ZNF385D: variants seen among roughly 807,000 people sequenced by gnomAD.
ZNF385D encodes the protein zinc finger protein 385D.
In ZNF385D, 15 loss-of-function variants were observed where a neutral mutation model predicts 35.8. The observed-to-expected ratio is 0.42, with a 90% CI of 0.28 to 0.64. The LOEUF (loss-of-function observed/expected upper bound fraction) is 0.64, where lower values mean the gene tolerates loss of function less well. Among genes scored for constraint, ZNF385D ranks in the 30% least tolerant of loss-of-function variants. ZNF385D has a pLI of 0.23. For missense variants in ZNF385D, 474 were observed against 494.6 expected (o/e 0.96, Z 0.39); for synonymous variants, 212 against 186.8 (o/e 1.13, Z -1.10).
chr3:22,285,740 A>C (rs946716171), intron 2 of ZNF385D, among the ~76,000 whole-genome samples: 2 of 152,084 alleles, frequency 1.3e-5, no homozygotes, highest in Non-Finnish European at 2.9e-5. Flanking sequence ...AGTAGGAAGA[A>C]ATTTTCTAAT....
At chr3:21,867,650 G>A (rs1559706017) in intron 3 of ZNF385D, among the ~76,000 whole-genome samples, 1 of 151,914 alleles carries the variant, frequency 6.6e-6, no homozygotes. Context: ...ACATTTTGAT[G>A]ACTACTTTTA....
intron 3 of ZNF385D, among the ~76,000 whole-genome samples, chr3:22,147,636 A>C (rs924077798): frequency 2.0e-5 from 3 of 152,186 alleles, no homozygotes; most frequent in African/African-American, 7.2e-5. Context: ...TATTAATACA[A>C]CACCACTCGG....
intron 2 of ZNF385D, among the ~76,000 whole-genome samples, chr3:22,199,859 A>G (rs1696665869): frequency 6.6e-6 from 1 of 152,164 alleles, no homozygotes; most frequent in East Asian, 1.9e-4. Flanking sequence ...TAAACAGGAT[A>G]AAATGTGAAA....
At chr3:21,627,874 G>A (rs1161386252) in intron 2 of ZNF385D, among the ~76,000 whole-genome samples, 1 of 151,996 alleles carries the variant, frequency 6.6e-6, no homozygotes, top group East Asian at 1.9e-4. Flanking sequence ...AACAATAAGG[G>A]TAGATTTTGA....
chr3:21,507,950 A>G (rs1216518269), intron 4 of ZNF385D, among the ~76,000 whole-genome samples: 1 of 152,214 alleles, frequency 6.6e-6, no homozygotes, highest in Non-Finnish European at 1.5e-5. Flanking sequence ...TTGGCTCAAA[A>G]TATCTGATGA....
intron 3 of ZNF385D, among the ~76,000 whole-genome samples, chr3:22,085,846 A>C (rs147627291): frequency 0.11 from 16,830 of 152,224 alleles, 1,149 homozygotes; most frequent in Admixed American, 0.19. Context: ...CATCAAAAAG[A>C]TTATCCACCA....
intron 2 of ZNF385D, among the ~76,000 whole-genome samples, chr3:21,581,465 A>C (rs1457209936): frequency 6.6e-6 from 1 of 152,052 alleles, no homozygotes; most frequent in Non-Finnish European, 1.5e-5. Context: ...CCCCAACCTA[A>C]ATTGCAAAAG....
intron 2 of ZNF385D, among the ~76,000 whole-genome samples, chr3:22,198,837 C>A (rs1696594135): frequency 6.6e-6 from 1 of 152,062 alleles, no homozygotes; most frequent in African/African-American, 2.4e-5. Context: ...TTCACCACTT[C>A]TTTTAAAGAG....
rs551476626 is a variant in ZNF385D at position 21,877,499 on chromosome 3, T to C, written c.326-212471A>G. 7.2e-5 allele frequency among the ~76,000 whole-genome samples: 11 copies of C among 152,224 alleles called. No individual in the cohort carries two copies. The South Asian group carries it at 2.3e-3, about 32-fold the overall frequency. On this transcript the variant is annotated intron_variant, in intron 3 of 5. Transcript: ENST00000494108. ...TGGTAGTTATTTAAAGTTAATTAAT[T>C]TAACCTGACCTTTCCATATAAATAT...
intron 4 of ZNF385D, among the ~76,000 whole-genome samples, chr3:21,497,237 T>C (rs1264866829): frequency 6.6e-6 from 1 of 152,098 alleles, no homozygotes; most frequent in African/African-American, 2.4e-5. Flanking sequence ...AAATCAGTAG[T>C]ATTCCTACAC....
chr3:22,245,835 A>T lies in ZNF385D; in HGVS notation c.107-76800T>A, dbSNP rs141375925. ...TGATAAACTTCCTGGGACAGATTGG[A>T]AAGAATTGTGATTGGATTTGACATG... On this transcript the variant is annotated intron_variant, in intron 2 of 5. Transcript: ENST00000494108. Among the ~76,000 whole-genome samples, 71 of 152,186 alleles carry T rather than the reference A, an allele frequency of 4.7e-4. 1 individual carries two copies. The East Asian group carries it at 0.011, about 23-fold the overall frequency.
intron 3 of ZNF385D, among the ~76,000 whole-genome samples, chr3:21,802,548 T>C (rs367589993): frequency 1.2e-4 from 17 of 140,960 alleles, no homozygotes; most frequent in Admixed American, 2.1e-4. Context: ...TGGATCTACA[T>C]TGATTTAAAA....
chr3:22,058,486 C>T (rs1441716974), intron 3 of ZNF385D, among the ~76,000 whole-genome samples: 1 of 152,222 alleles, frequency 6.6e-6, no homozygotes, highest in Non-Finnish European at 1.5e-5. Context: ...TGGATAATGG[C>T]TATCACACAA....
At chr3:22,254,249 G>A (rs542295635) in intron 2 of ZNF385D, among the ~76,000 whole-genome samples, 159 of 151,840 alleles carry the variant, frequency 1.0e-3, no homozygotes, top group Non-Finnish European at 1.8e-3. Flanking sequence ...AAACTATTGA[G>A]TCTTACTAGC....
chr3:21,779,100 C>T (rs901672627), intron 3 of ZNF385D, among the ~76,000 whole-genome samples: 8 of 151,944 alleles, frequency 5.3e-5, no homozygotes, highest in African/African-American at 1.9e-4. Flanking sequence ...AAATCAACCA[C>T]AGTCAGAGCT....
intron 3 of ZNF385D, among the ~76,000 whole-genome samples, chr3:21,559,214 G>A (rs1046041374): frequency 2.0e-5 from 3 of 152,046 alleles, no homozygotes; most frequent in Non-Finnish European, 1.5e-5. Flanking sequence ...TCATTATGAT[G>A]CTAGTTGGTT....
rs183895232 is a variant in ZNF385D at position 21,967,882 on chromosome 3, A to C, written c.325+200935T>G. ...CACCAAATTGATTGACTATCCATAC[A>C]AAAACCACCACCATAAGAACTAAAA... On this transcript the variant is annotated intron_variant, in intron 3 of 5. Coordinates refer to the ZNF385D transcript ENST00000494108. Among the ~76,000 whole-genome samples the C allele has an allele frequency of 4.5e-3, 684 of 152,342 alleles. 7 individuals are homozygous for C. Among genetic ancestry groups the C allele is most frequent in the African/African-American group, 0.015 (641 of 41,576 alleles).
chr3:21,421,625 G>T (rs1286081662), intron 7 of ZNF385D, among the ~76,000 whole-genome samples, 178 bp from the exon 8 acceptor site: 1 of 152,202 alleles, frequency 6.6e-6, no homozygotes, highest in Non-Finnish European at 1.5e-5. Flanking sequence ...CTTTGGAAGA[G>T]TTGGAAGATA....
At chr3:21,694,042 C>CT (rs35586361) in intron 1 of ZNF385D, among the ~76,000 whole-genome samples, 368 of 22,168 alleles carry the variant, frequency 0.017, 79 homozygotes, top group Non-Finnish European at 0.019. Context: ...CTACGCCTGG[C>CT]TTTTTTTTTT....
Sources: gnomAD v4.1 joint callset for allele counts (sites outside exome capture counted in the v4.1 genomes callset) on GRCh38, gnomAD v4.1.1 for gene constraint, MANE v1.5 for transcripts, NCBI Gene and HGNC (gene_info 2026-07-23, HGNC 2026-07-21) for gene names.